The following ZNF778 variants were observed in gnomAD, a reference collection of about 807,000 sequenced individuals.
ZNF778 encodes zinc finger protein 778.
In ZNF778, 37 loss-of-function variants were observed where a neutral mutation model predicts 23.9. The observed-to-expected ratio is 1.54, with a 90% CI of 1.19 to 2.03. The LOEUF (loss-of-function observed/expected upper bound fraction) is 2.03, where lower values mean the gene tolerates loss of function less well. ZNF778 is among the 30% of genes most tolerant of loss of function. The pLI, the probability that ZNF778 is intolerant of heterozygous loss-of-function variation, is 0.00. For missense variants in ZNF778, 1,297 were observed against 934.4 expected (o/e 1.39, Z -5.06); for synonymous variants, 483 against 343.9 (o/e 1.40, Z -4.48).
Position 89,227,074 on chromosome 16 carries a change from A to C in ZNF778, c.786A>C (p.Leu262=). ...TWKWKPCGKA[L]THSMGCATPV... is the part of the protein sequence containing the mutation. ...AATGGAAGCCGTGTGGGAAAGCTCT[A>C]ACTCACTCCATGGGCTGCGCCACAC... The change falls in exon 7 of 7, where the codon CTA becomes CTC. Residue 262 remains leucine, a synonymous_variant. Coordinates refer to ENST00000433976, the MANE Select transcript of ZNF778 (RefSeq NM_001201407.2). 2 of 1,613,964 alleles carry C rather than the reference A, an allele frequency of 1.2e-6. No homozygotes were observed. Among genetic ancestry groups the C allele is most frequent in the African/African-American group, 1.3e-5 (1 of 75,030 alleles).
At position 89,230,170 on chromosome 16, in the gene ZNF778, C is replaced by T. The variant is rs901627469; in HGVS notation, c.*1608C>T. On this transcript the variant is annotated 3_prime_UTR_variant, in exon 7 of 7. Coordinates refer to ENST00000433976, the MANE Select transcript of ZNF778 (RefSeq NM_001201407.2). ...ACATTTTATGAAAATGCCCTTGTTC[C>T]TCTCCCATACCTGATCCCTTCAGAT... The T allele has an allele frequency of 5.8e-6, 3 of 512,962 alleles. No homozygotes were observed. The highest frequency in any genetic ancestry group is 1.5e-4 in the East Asian group (1 of 6,700). 31.8% of individuals were successfully genotyped at this position (512,962 alleles called of 1,614,324 possible). A position where few individuals can be genotyped will look rare whatever the true frequency, so the allele number is the denominator to read the frequency against.
rs377243270 is a variant in ZNF778, at chr16:89,227,560, C to T, written c.1272C>T (p.Ser424=). ...CTGGAATAAAACCCTATACATGCAG[C>T]TACTGTGGGAAGGCCTTCACTGTGC... ...IHTGIKPYTC[S]YCGKAFTVRC... Residue 424 remains serine, a synonymous_variant, in exon 7 of 7, where the codon AGC becomes AGT. Transcript: ENST00000433976. The T allele has an allele frequency of 6.2e-7, 1 of 1,613,976 alleles. No homozygotes were observed. Among genetic ancestry groups the T allele is most frequent in the Non-Finnish European group, 8.5e-7 (1 of 1,179,996 alleles).
chr16:89,227,390 A>G lies in ZNF778; in HGVS notation c.1102A>G (p.Lys368Glu). The change falls in exon 7 of 7, where the codon AAG (lysine) becomes GAG (glutamate). Residue 368 changes from lysine (K) to glutamate (E), a missense_variant. Coordinates refer to ENST00000433976, the MANE Select transcript of ZNF778 (RefSeq NM_001201407.2). ...CCCTGGACAGAAGCCCTATGAATGT[A>G]AGGACTGTGGGAAAGCCTGCGGTGG... ...TDPGQKPYECKDCGKACGGFY... is the reference protein window; with the variant it reads ...TDPGQKPYECEDCGKACGGFY... The G allele has an allele frequency of 6.2e-7, 1 of 1,614,022 alleles. No homozygotes were observed. The highest frequency in any genetic ancestry group is 1.1e-5 in the South Asian group (1 of 91,080).
rs1398330969 is a variant in ZNF778, at chr16:89,229,260, G to A, written c.*698G>A. On this transcript the variant is annotated 3_prime_UTR_variant, in exon 7 of 7. Coordinates refer to ENST00000433976, the MANE Select transcript of ZNF778 (RefSeq NM_001201407.2). ...GGATCCAGATGTGATTCTTTGAGCA[G>A]CGTAGGCTCTGGTTGGTTAGTCTTG... 1.0e-6 allele frequency: 1 copy of A among 985,512 alleles called. No homozygotes were observed. Among genetic ancestry groups the A allele is most frequent in the East Asian group, 1.1e-4 (1 of 8,820 alleles). 61.0% of individuals were successfully genotyped at this position (985,512 alleles called of 1,614,324 possible). A position where few individuals can be genotyped will look rare whatever the true frequency, so the allele number is the denominator to read the frequency against.
chr16:89,223,047 G>A (rs1411866735), intron 3 of ZNF778, 110 bp from the exon 4 acceptor site: 1 of 1,327,810 alleles, frequency 7.5e-7, no homozygotes, highest in Admixed American at 2.8e-5. Context: ...CCATGGGGTA[G>A]ACAGTAGGAG....
chr16:89,222,828 G>C (rs559452242), intron 3 of ZNF778, among the ~76,000 whole-genome samples: 4 of 152,266 alleles, frequency 2.6e-5, no homozygotes, highest in Non-Finnish European at 5.9e-5. Context: ...GACATAAGGC[G>C]AGGGGAGTGC....
chr16:89,222,394 C>T (rs775760685), intron 3 of ZNF778, among the ~76,000 whole-genome samples: 9 of 152,050 alleles, frequency 5.9e-5, no homozygotes, highest in African/African-American at 1.7e-4. Flanking sequence ...GACGGAGTCT[C>T]GCTTTGTCGC....
Position 89,228,738 on chromosome 16 carries a change from C to T in ZNF778, c.*176C>T. 7.1e-6 allele frequency: 10 copies of T among 1,415,758 alleles called. No homozygotes were observed. The highest frequency in any genetic ancestry group is 9.2e-6 in the Non-Finnish European group (10 of 1,089,828). 87.7% of individuals were successfully genotyped at this position (1,415,758 alleles called of 1,614,324 possible). On this transcript the variant is annotated 3_prime_UTR_variant, in exon 7 of 7. Transcript: ENST00000433976. ...CTATGCAGCAGACACAGAGAAAGCCCTCAGTGTTCTCTAAGGTCTTGCTGA... is the reference window on the plus strand; with the variant it reads ...CTATGCAGCAGACACAGAGAAAGCCTTCAGTGTTCTCTAAGGTCTTGCTGA...
chr16:89,222,863 C>G (rs917862662), intron 3 of ZNF778, among the ~76,000 whole-genome samples: 1 of 152,106 alleles, frequency 6.6e-6, no homozygotes, highest in African/African-American at 2.4e-5. Context: ...GAGAGAAGCT[C>G]ACATGTTAGA....
Position 89,232,747 on chromosome 16 carries a change from C to A in ZNF778, c.*4185C>A. The A allele has an allele frequency of 7.8e-7, 1 of 1,284,600 alleles. No individual in the cohort carries two copies. Among genetic ancestry groups the A allele is most frequent in the African/African-American group, 1.5e-5 (1 of 65,944 alleles). The allele number at this position is 1,284,600 out of a possible 1,614,324, so 79.6% of individuals were successfully genotyped here. On this transcript the variant is annotated 3_prime_UTR_variant, in exon 7 of 7. Coordinates refer to ENST00000433976, the MANE Select transcript of ZNF778 (RefSeq NM_001201407.2). ...ATTCCTAAAGATGGTAAACAACTTG[C>A]TGGAAACATGCACTGCATATACAAA...
In ZNF778 at chr16:89,230,179, A is replaced by G. The variant is rs1407510036; in HGVS notation, c.*1617A>G. On this transcript the variant is annotated 3_prime_UTR_variant, in exon 7 of 7. Coordinates refer to ENST00000433976, the MANE Select transcript of ZNF778 (RefSeq NM_001201407.2). ...GAAAATGCCCTTGTTCCTCTCCCATACCTGATCCCTTCAGATAAAACACCA... is the reference window on the plus strand; with the variant it reads ...GAAAATGCCCTTGTTCCTCTCCCATGCCTGATCCCTTCAGATAAAACACCA... 2.8e-5 allele frequency: 13 copies of G among 470,466 alleles called. No homozygotes were observed. The highest frequency in any genetic ancestry group is 2.6e-4 in the African/African-American group (12 of 46,876). 29.1% of individuals were successfully genotyped at this position (470,466 alleles called of 1,614,324 possible). A position where few individuals can be genotyped will look rare whatever the true frequency, so the allele number is the denominator to read the frequency against.
rs1354144681 is a variant in ZNF778, at chr16:89,229,271, G to T, written c.*709G>T. 4.1e-6 allele frequency: 4 copies of T among 985,484 alleles called. No individual in the cohort carries two copies. In the East Asian group the frequency reaches 3.4e-4, roughly 84 times the overall value. 61.0% of individuals were successfully genotyped at this position (985,484 alleles called of 1,614,324 possible). The stretch of plus-strand genomic sequence containing the variant: ...TGATTCTTTGAGCAGCGTAGGCTCT[G>T]GTTGGTTAGTCTTGAGGATCCAGAT... On this transcript the variant is annotated 3_prime_UTR_variant, in exon 7 of 7. Coordinates refer to ENST00000433976, the MANE Select transcript of ZNF778 (RefSeq NM_001201407.2).
chr16:89,230,096 C>T lies in ZNF778; in HGVS notation c.*1534C>T. 1.1e-6 allele frequency: 1 copy of T among 911,330 alleles called. No homozygotes were observed. The highest frequency in any genetic ancestry group is 5.6e-4 in the Middle Eastern group (1 of 1,796). The allele number at this position is 911,330 out of a possible 1,614,324, so 56.5% of individuals were successfully genotyped here. On this transcript the variant is annotated 3_prime_UTR_variant, in exon 7 of 7. Transcript: ENST00000433976. ...GGTTAGTCATGCTCTTAGGCATGAC[C>T]CACCTGTAGGGTCCCACACTGGCCA... is the stretch of plus-strand genomic sequence containing the variant.
At position 89,221,786 on chromosome 16, in the gene ZNF778, G is replaced by GTT. The variant is rs1220116787; in HGVS notation, c.26-305_26-304insTT. The stretch of plus-strand genomic sequence containing the variant: ...GAATTCCCTCGCTCTGTATGACTGT[G>GTT]TGTGTGTGTGTGTGTTCCTCAGGCA... On this transcript the variant is annotated intron_variant, in intron 2 of 6. Coordinates refer to ENST00000433976, the MANE Select transcript of ZNF778 (RefSeq NM_001201407.2). Among the ~76,000 whole-genome samples the GTT allele has an allele frequency of 3.3e-4, 50 of 150,020 alleles. 1 individual carries two copies. The highest frequency in any genetic ancestry group is 1.2e-3 in the African/African-American group (48 of 40,850).
In ZNF778 at chr16:89,228,524, C is replaced by A; in HGVS notation, c.2236C>A (p.His746Asn). 6.2e-7 allele frequency: 1 copy of A among 1,600,374 alleles called. No individual in the cohort carries two copies. Among genetic ancestry groups the A allele is most frequent in the Non-Finnish European group, 8.5e-7 (1 of 1,175,080 alleles). The change falls in exon 7 of 7, where the codon CAT becomes AAT. Residue 746 changes from histidine (H) to asparagine (N), a missense_variant. Coordinates refer to ENST00000433976, the MANE Select transcript of ZNF778 (RefSeq NM_001201407.2). ...TTTTAAGAATTCCTCATGCCTTAAC[C>A]ATCACACTCAAATTCACACTGATGA... ...KSFKNSSCLN[H>N]HTQIHTDEKP...
chr16:89,221,761 G>A (rs2030975026), intron 2 of ZNF778, among the ~76,000 whole-genome samples: 1 of 139,078 alleles, frequency 7.2e-6, no homozygotes, highest in Admixed American at 7.6e-5. Flanking sequence ...GAGTACATGG[G>A]AATTCCCTCG....
At chr16:89,225,414 C>A (rs1218773777) in intron 5 of ZNF778, 141 bp from the exon 6 acceptor site, 1 of 604,958 alleles carries the variant, frequency 1.7e-6, no homozygotes, top group Non-Finnish European at 2.9e-6. Flanking sequence ...ATTATGACTC[C>A]CAGTTCCTAT....
At position 89,228,284 on chromosome 16, in the gene ZNF778, A is replaced by G. The variant is rs200722687; in HGVS notation, c.1996A>G (p.Thr666Ala). The G allele has an allele frequency of 3.1e-4, 499 of 1,605,590 alleles. No individual in the cohort carries two copies. The highest frequency in any genetic ancestry group is 3.9e-4 in the Non-Finnish European group (463 of 1,173,278). Residue 666 changes from threonine to alanine, a missense_variant, in exon 7 of 7, where the codon ACT (threonine) becomes GCT (alanine). Thr to Ala is a moderately conservative substitution (Grantham distance 58). Coordinates refer to ENST00000433976, the MANE Select transcript of ZNF778 (RefSeq NM_001201407.2). Reference protein sequence around the residue: ...SSSHLIEHRRTHTGEKPYICN... With the variant: ...SSSHLIEHRRAHTGEKPYICN... ...CTCACACCTTATCGAACACAGAAGG[A>G]CTCACACAGGAGAGAAACCTTACAT...
chr16:89,232,981 G>A lies in ZNF778; in HGVS notation c.*4419G>A, dbSNP rs779451243. 2.2e-4 allele frequency: 278 copies of A among 1,256,386 alleles called. 15 individuals are homozygous for A. The highest frequency in any genetic ancestry group is 3.4e-4 in the Admixed American group (14 of 41,216). The allele number at this position is 1,256,386 out of a possible 1,614,324, so 77.8% of individuals were successfully genotyped here. A position where few individuals can be genotyped will look rare whatever the true frequency, so the allele number is the denominator to read the frequency against. On this transcript the variant is annotated 3_prime_UTR_variant, in exon 7 of 7. Coordinates refer to ENST00000433976, the MANE Select transcript of ZNF778 (RefSeq NM_001201407.2). ...TCGCTCTGCGTATGCAACTGAGCTC[G>A]CTCTGCGTATGCAACCCAGCTCGCT...
Sources: gnomAD v4.1 joint callset for allele counts (sites outside exome capture counted in the v4.1 genomes callset) on GRCh38, gnomAD v4.1.1 for gene constraint, MANE v1.5 for transcripts, NCBI Gene and HGNC (gene_info 2026-07-23, HGNC 2026-07-21) for gene names.